Variants in KCND2 observed in about 807,000 individuals in gnomAD.
KCND2 encodes the protein A-type voltage-gated potassium channel KCND2.
KCND2 carries 16 observed loss-of-function variants against 54.4 expected under a neutral mutation model. The observed-to-expected ratio is 0.29, with a 90% CI of 0.20 to 0.45. KCND2 has a LOEUF of 0.45. KCND2 is among the 20% of genes least tolerant of loss of function. KCND2 has a pLI of 1.00. For missense variants in KCND2, 486 were observed against 824.2 expected, an observed-to-expected ratio of 0.59 and a Z score of 5.02; for synonymous variants, 317 against 310.7, an observed-to-expected ratio of 1.02 and a Z score of -0.21.
At chr7:120,655,715 A>G (rs1350158549) in intron 1 of KCND2, among the ~76,000 whole-genome samples, 1 of 152,116 alleles carries the variant, frequency 6.6e-6, no homozygotes, top group African/African-American at 2.4e-5. Flanking sequence ...TTGTGAAAGC[A>G]CCTTTAAAAA....
intron 1 of KCND2, among the ~76,000 whole-genome samples, chr7:120,631,935 T>C (rs545041610): frequency 6.6e-6 from 1 of 152,288 alleles, no homozygotes; most frequent in East Asian, 1.9e-4. Flanking sequence ...ATTGTATTAA[T>C]GTATTCAGTA....
chr7:120,425,317 A>T (rs111447461), intron 1 of KCND2, among the ~76,000 whole-genome samples: 9 of 152,388 alleles, frequency 5.9e-5, no homozygotes, highest in African/African-American at 2.2e-4. Flanking sequence ...GAATATAAAA[A>T]ATATAACATG....
chr7:120,538,067 G>A (rs763310123), intron 1 of KCND2, among the ~76,000 whole-genome samples: 17 of 152,088 alleles, frequency 1.1e-4, no homozygotes, highest in East Asian at 3.8e-4. Flanking sequence ...CTCACTAAGC[G>A]GAATCATTTC....
chr7:120,583,118 T>C (rs1365099925), intron 1 of KCND2, among the ~76,000 whole-genome samples: 1 of 152,148 alleles, frequency 6.6e-6, no homozygotes, highest in African/African-American at 2.4e-5. Context: ...TAGATACTTG[T>C]AATCACGAGG....
At chr7:120,655,604 A>T (rs1413924816) in intron 1 of KCND2, among the ~76,000 whole-genome samples, 1 of 152,112 alleles carries the variant, frequency 6.6e-6, no homozygotes, top group Non-Finnish European at 1.5e-5. Context: ...GTTTTCCAGC[A>T]AACTCTCATG....
intron 1 of KCND2, among the ~76,000 whole-genome samples, chr7:120,334,152 CAG>C (rs1485657427): frequency 3.9e-5 from 6 of 152,186 alleles, no homozygotes; most frequent in African/African-American, 1.4e-4. Context: ...AAAAGGGTAA[CAG>C]GGGTCTTGAA....
Position 120,484,774 on chromosome 7 carries a change from A to T in KCND2, c.1115+209027A>T, listed in dbSNP as rs562881910. On this transcript the variant is annotated intron_variant, in intron 1 of 5. Coordinates refer to ENST00000331113, the MANE Select transcript of KCND2 (RefSeq NM_012281.3). ...AATGAAGAAAAACGTAAATTGAGAG[A>T]TTATCCAGCAAAAAATTAAAAGTAA... 2.0e-4 allele frequency among the ~76,000 whole-genome samples: 30 copies of T among 152,098 alleles called. No homozygotes were observed. In the South Asian group the frequency reaches 5.6e-3, roughly 28 times the overall value.
intron 1 of KCND2, among the ~76,000 whole-genome samples, chr7:120,541,967 CAT>C (rs1168097036): frequency 3.3e-5 from 5 of 152,090 alleles, no homozygotes; most frequent in African/African-American, 1.2e-4. Flanking sequence ...ACATTAAACA[CAT>C]AAACCATTTT....
At chr7:120,293,531 A>G (rs1799467113) in intron 1 of KCND2, among the ~76,000 whole-genome samples, 1 of 151,950 alleles carries the variant, frequency 6.6e-6, no homozygotes, top group Non-Finnish European at 1.5e-5. Context: ...GATGAAGCCT[A>G]TTAAGACAAC....
chr7:120,735,902 A>G (rs1042088096), intron 2 of KCND2, among the ~76,000 whole-genome samples: 5 of 152,076 alleles, frequency 3.3e-5, no homozygotes, highest in Admixed American at 2.0e-4. Flanking sequence ...TTACCAGGGG[A>G]TATTTTCTAT....
intron 1 of KCND2, among the ~76,000 whole-genome samples, chr7:120,421,623 T>C (rs749373552): frequency 6.6e-5 from 10 of 152,362 alleles, no homozygotes; most frequent in Admixed American, 1.3e-4. Flanking sequence ...TTGTTAATTT[T>C]CAGCCACCAT....
intron 1 of KCND2, among the ~76,000 whole-genome samples, chr7:120,676,516 CG>C (rs1313677926): frequency 5.3e-5 from 8 of 152,020 alleles, no homozygotes; most frequent in Non-Finnish European, 1.2e-4. Flanking sequence ...AAACCTGTCT[CG>C]TATTTTCTTC....
intron 1 of KCND2, among the ~76,000 whole-genome samples, chr7:120,728,132 CAAA>C (rs571232607): frequency 2.1e-5 from 1 of 46,856 alleles, no homozygotes; most frequent in Admixed American, 2.3e-4. Context: ...GATTCCGTCT[CAAA>C]AAAAAAAAAA....
chr7:120,616,123 A>C (rs1793020661), intron 1 of KCND2, among the ~76,000 whole-genome samples: 1 of 152,212 alleles, frequency 6.6e-6, no homozygotes, highest in South Asian at 2.1e-4. Flanking sequence ...GAAAGGAAAG[A>C]GGGAAGAAGC....
At chr7:120,639,690 A>G (rs979768432) in intron 1 of KCND2, among the ~76,000 whole-genome samples, 8 of 152,152 alleles carry the variant, frequency 5.3e-5, no homozygotes, top group African/African-American at 1.9e-4. Flanking sequence ...GAGAGTAAGG[A>G]ATTTGTTTAA....
In KCND2 at chr7:120,297,168, TC is replaced by T. The variant is rs1250355430; in HGVS notation, c.1115+21428del. 5.3e-5 allele frequency among the ~76,000 whole-genome samples: 8 copies of T among 151,928 alleles called. No homozygotes were observed. In the South Asian group the frequency reaches 1.5e-3, roughly 28 times the overall value. On this transcript the variant is annotated intron_variant, in intron 1 of 5. Coordinates refer to ENST00000331113, the MANE Select transcript of KCND2 (RefSeq NM_012281.3). Reference sequence around the variant, plus strand: ...ATTAAATGATTTATTATTATTCACTTCCCCCCCAGCTCTTCCAAATGTCTAT... The same window carrying T: ...ATTAAATGATTTATTATTATTCACTTCCCCCCAGCTCTTCCAAATGTCTAT...
intron 1 of KCND2, among the ~76,000 whole-genome samples, chr7:120,554,566 T>C (rs920474924): frequency 2.6e-5 from 4 of 151,870 alleles, no homozygotes; most frequent in Admixed American, 2.6e-4. Flanking sequence ...CCGCCACCAC[T>C]ACTGGCTAAT....
At chr7:120,533,498 A>G (rs1358619492) in intron 1 of KCND2, among the ~76,000 whole-genome samples, 1 of 152,148 alleles carries the variant, frequency 6.6e-6, no homozygotes, top group Non-Finnish European at 1.5e-5. Context: ...TTAAGAAAAT[A>G]GAGCAAATAT....
At chr7:120,336,445 T>G (rs1800153759) in intron 1 of KCND2, among the ~76,000 whole-genome samples, 1 of 152,210 alleles carries the variant, frequency 6.6e-6, no homozygotes, top group South Asian at 2.1e-4. Flanking sequence ...AACTTCTTCC[T>G]TATGAAGACA....
Sources: gnomAD v4.1 joint callset for allele counts (sites outside exome capture counted in the v4.1 genomes callset) on GRCh38, gnomAD v4.1.1 for gene constraint, MANE v1.5 for transcripts, NCBI Gene and HGNC (gene_info 2026-07-23, HGNC 2026-07-21) for gene names.